CSMD1: variants seen among roughly 807,000 people sequenced by gnomAD.
CSMD1 encodes the protein CUB and sushi domain-containing protein 1.
CSMD1 carries 213 observed loss-of-function variants against 417.5 expected under a neutral mutation model. That is an observed-to-expected ratio of 0.51 (90% confidence interval 0.46 to 0.57). The LOEUF is 0.57. Ranked by LOEUF, CSMD1 falls within the 20% of genes least tolerant of loss-of-function variation. CSMD1 has a pLI of 0.00. For synonymous variants in CSMD1, 2,862 were observed against 1,736.8 expected, an observed-to-expected ratio of 1.65 and a Z score of -16.11; for missense variants, 6,923 against 4,529.7, an observed-to-expected ratio of 1.53 and a Z score of -15.17.
chr8:4,836,176 GT>G (rs1800475936), intron 1 of CSMD1, among the ~76,000 whole-genome samples: 1 of 152,124 alleles, frequency 6.6e-6, no homozygotes, highest in Admixed American at 6.6e-5. Flanking sequence ...TATTTAAATC[GT>G]TAATTGTGAA....
chr8:4,049,387 A>G (rs548948175), intron 3 of CSMD1, among the ~76,000 whole-genome samples: 12 of 151,904 alleles, frequency 7.9e-5, no homozygotes, highest in Non-Finnish European at 1.3e-4. Flanking sequence ...CTCTGCAGAC[A>G]TTGCCAAACG....
chr8:4,719,996 T>G (rs1426928949), intron 1 of CSMD1, among the ~76,000 whole-genome samples: 3 of 152,090 alleles, frequency 2.0e-5, no homozygotes, highest in Non-Finnish European at 4.4e-5. Context: ...AATCAGTCAT[T>G]CTCACCAAGT....
chr8:4,210,550 G>A (rs779155671), intron 3 of CSMD1, among the ~76,000 whole-genome samples: 1 of 151,926 alleles, frequency 6.6e-6, no homozygotes, highest in Non-Finnish European at 1.5e-5. Flanking sequence ...TTTTAAGAAA[G>A]CACAAATAGG....
chr8:4,271,385 A>C lies in CSMD1; in HGVS notation c.415+148568T>G, dbSNP rs547891862. Among the ~76,000 whole-genome samples, 192 of 152,268 alleles carry C rather than the reference A, an allele frequency of 1.3e-3. 1 individual carries two copies. The highest frequency in any genetic ancestry group is 1.5e-3 in the Non-Finnish European group (103 of 68,014). ...TGTCAAAATAAATAAATAAAAGTTTAAAAAATACGTAGCTTTGCCTGATGC... is the reference window on the plus strand; with the variant it reads ...TGTCAAAATAAATAAATAAAAGTTTCAAAAATACGTAGCTTTGCCTGATGC... On this transcript the variant is annotated intron_variant, in intron 3 of 69. Transcript: ENST00000635120.
intron 3 of CSMD1, among the ~76,000 whole-genome samples, chr8:4,407,665 T>C (rs1796395945): frequency 6.6e-6 from 1 of 152,230 alleles, no homozygotes; most frequent in South Asian, 2.1e-4. Context: ...TTTGTCTTTG[T>C]GAACTTCATA....
intron 5 of CSMD1, among the ~76,000 whole-genome samples, chr8:3,890,265 C>G (rs1032866443): frequency 6.6e-6 from 1 of 152,074 alleles, no homozygotes; most frequent in Non-Finnish European, 1.5e-5. Context: ...AAAGAAACAT[C>G]AGATATTTTG....
chr8:3,262,198 TATATATATATATATATATATATATATATA>T (rs1563199404), intron 26 of CSMD1, among the ~76,000 whole-genome samples: 1 of 81,362 alleles, frequency 1.2e-5, no homozygotes, highest in Non-Finnish European at 2.8e-5. Flanking sequence ...TATATATATA[TATATATATATATATATATATATATATATA>T]TATACACACA....
At chr8:4,303,419 G>A (rs1033074171) in intron 3 of CSMD1, among the ~76,000 whole-genome samples, 4 of 105,862 alleles carry the variant, frequency 3.8e-5, no homozygotes, top group Non-Finnish European at 5.7e-5. Flanking sequence ...TGGGCAGGAA[G>A]CTGTTTTTTT....
rs189752077 is a variant in CSMD1, at chr8:4,091,819, C to T, written c.416-59720G>A. Reference sequence around the variant, plus strand: ...GTAAAATACTGGAAGAGGCCTTATCCTTAAAATGGACTATTTAGCAATGGA... The same window carrying T: ...GTAAAATACTGGAAGAGGCCTTATCTTTAAAATGGACTATTTAGCAATGGA... On this transcript the variant is annotated intron_variant, in intron 3 of 69. Coordinates refer to ENST00000635120, the MANE Select transcript of CSMD1 (RefSeq NM_033225.6). Among the ~76,000 whole-genome samples the T allele has an allele frequency of 2.0e-5, 3 of 152,198 alleles. No individual in the cohort carries two copies. The East Asian group carries it at 5.8e-4, about 29-fold the overall frequency.
At chr8:3,906,431 T>C (rs981463341) in intron 5 of CSMD1, among the ~76,000 whole-genome samples, 4 of 152,184 alleles carry the variant, frequency 2.6e-5, no homozygotes, top group East Asian at 1.9e-4. Context: ...TATAGTAATG[T>C]TTAATGCCTT....
chr8:4,750,954 G>A (rs1425767807), intron 1 of CSMD1, among the ~76,000 whole-genome samples: 2 of 152,184 alleles, frequency 1.3e-5, no homozygotes, highest in African/African-American at 4.8e-5. Context: ...TTACAGCCAT[G>A]TCTGTATTGA....
intron 25 of CSMD1, among the ~76,000 whole-genome samples, chr8:3,295,233 T>C (rs776168337): frequency 3.3e-5 from 5 of 152,102 alleles, no homozygotes; most frequent in Admixed American, 2.0e-4. Flanking sequence ...CATGCCATTC[T>C]CCTGCCTCAG....
chr8:4,606,510 G>C lies in CSMD1; in HGVS notation c.302+30832C>G, dbSNP rs193123879. Among the ~76,000 whole-genome samples, 121 of 152,266 alleles carry C rather than the reference G, an allele frequency of 7.9e-4. 1 individual carries two copies. The highest frequency in any genetic ancestry group is 2.7e-3 in the African/African-American group (111 of 41,556). ...TTTACCACTCTTGGTTCTGTGTGTG[G>C]CTGAAGACAACAGCGGCCAATGGCA... On this transcript the variant is annotated intron_variant, in intron 2 of 69. Transcript: ENST00000635120.
At chr8:4,421,231 G>C (rs1337491362) in intron 2 of CSMD1, among the ~76,000 whole-genome samples, 1 of 152,124 alleles carries the variant, frequency 6.6e-6, no homozygotes, top group East Asian at 1.9e-4. Context: ...AGCAAACGTT[G>C]CTTTAAGAAA....
chr8:3,029,251 A>G, intron 51 of CSMD1, 68 bp downstream of exon 51: 1 of 1,329,458 alleles, frequency 7.5e-7, no homozygotes, highest in Non-Finnish European at 1.0e-6. Context: ...GAAGCTCACC[A>G]CTGACATAAG....
chr8:4,836,658 C>T (rs549778249), intron 1 of CSMD1, among the ~76,000 whole-genome samples: 18 of 152,278 alleles, frequency 1.2e-4, no homozygotes, highest in Non-Finnish European at 2.4e-4. Context: ...CTTAATGATG[C>T]TTTGAAATTT....
chr8:4,652,765 G>C (rs923695591), intron 1 of CSMD1, among the ~76,000 whole-genome samples: 2 of 152,204 alleles, frequency 1.3e-5, no homozygotes, highest in Admixed American at 6.5e-5. Flanking sequence ...GGGCGGTTTT[G>C]TGGAAGACAA....
At chr8:4,552,405 A>G (rs1797913855) in intron 2 of CSMD1, among the ~76,000 whole-genome samples, 2 of 152,044 alleles carry the variant, frequency 1.3e-5, no homozygotes, top group South Asian at 2.1e-4. Flanking sequence ...TGTCTCAAAG[A>G]CTTGCATCCA....
chr8:4,039,316 T>C (rs1223037754), intron 3 of CSMD1, among the ~76,000 whole-genome samples: 2 of 152,194 alleles, frequency 1.3e-5, no homozygotes, highest in Admixed American at 6.5e-5. Context: ...ACCAACGATA[T>C]CAAATGTGTT....
Sources: allele counts gnomAD v4.1 joint callset (sites outside exome capture counted in the v4.1 genomes callset), GRCh38; gene constraint gnomAD v4.1.1; transcripts MANE v1.5; gene names NCBI Gene and HGNC (gene_info 2026-07-23, HGNC 2026-07-21).